UBTD2: variants seen among roughly 807,000 people sequenced by gnomAD.
UBTD2 encodes the protein ubiquitin domain containing 2.
Under a neutral mutation model 19.8 loss-of-function variants are expected in UBTD2, and 9 were observed. That is an observed-to-expected ratio of 0.46 (90% CI 0.27 to 0.79). The LOEUF is 0.79. Ranked by LOEUF, UBTD2 falls within the 30% of genes least tolerant of loss-of-function variation. The pLI, the probability that UBTD2 is intolerant of heterozygous loss-of-function variation, is 0.14. For missense variants in UBTD2, 250 were observed against 300.4 expected, an observed-to-expected ratio of 0.83 and a Z score of 1.24; for synonymous variants, 98 against 103.9, an observed-to-expected ratio of 0.94 and a Z score of 0.35.
Position 172,212,076 on chromosome 5 carries a change from C to G in UBTD2, c.459G>C (p.Gln153His), listed in dbSNP as rs1256411195. The change falls in exon 3 of 3, where the codon CAG becomes CAC. Residue 153 changes from glutamine to histidine, a missense_variant. Physicochemically the swap from Gln to His is conservative, Grantham distance 24 (BLOSUM62 0). Transcript: ENST00000393792. The part of the protein sequence containing the change: ...EPPPNSGYEC[Q>H]LRLRLSTGKD... Reference sequence around the variant, plus strand: ...TGCCTGTGGAAAGGCGCAAACGAAGCTGACATTCATATCCAGAATTGGGTG... The same window carrying G: ...TGCCTGTGGAAAGGCGCAAACGAAGGTGACATTCATATCCAGAATTGGGTG... 1.2e-6 allele frequency: 2 copies of G among 1,614,182 alleles called. No homozygotes were observed. The highest frequency in any genetic ancestry group is 1.7e-6 in the Non-Finnish European group (2 of 1,180,036).
chr5:172,218,193 A>G (rs1199056796), intron 2 of UBTD2, among the ~76,000 whole-genome samples: 1 of 152,232 alleles, frequency 6.6e-6, no homozygotes, highest in African/African-American at 2.4e-5. Flanking sequence ...TGGAAAATCC[A>G]TAATACATGG....
chr5:172,253,741 T>C (rs993997112), intron 1 of UBTD2, among the ~76,000 whole-genome samples: 2 of 151,922 alleles, frequency 1.3e-5, no homozygotes, highest in Non-Finnish European at 2.9e-5. Context: ...CACGAGCCAC[T>C]GTGCACGGCC....
At chr5:172,271,937 A>C (rs1166270321) in intron 1 of UBTD2, among the ~76,000 whole-genome samples, 2 of 152,216 alleles carry the variant, frequency 1.3e-5, no homozygotes, top group South Asian at 4.1e-4. Flanking sequence ...TCAATGAGAA[A>C]AGCCCAAGTC....
intron 2 of UBTD2, among the ~76,000 whole-genome samples, chr5:172,215,515 C>T (rs1771524403): frequency 6.6e-6 from 1 of 152,194 alleles, no homozygotes; most frequent in Non-Finnish European, 1.5e-5. Context: ...GCCCATTTCA[C>T]ACAGTTCCTG....
intron 1 of UBTD2, among the ~76,000 whole-genome samples, chr5:172,251,167 A>G (rs997674142): frequency 6.6e-5 from 10 of 151,160 alleles, no homozygotes; most frequent in Non-Finnish European, 1.3e-4. Context: ...CAAAAAAAAA[A>G]AATTGGCCGG....
intron 2 of UBTD2, among the ~76,000 whole-genome samples, chr5:172,223,074 G>A (rs1370716404): frequency 6.6e-6 from 1 of 152,162 alleles, no homozygotes; most frequent in Non-Finnish European, 1.5e-5. Context: ...AGAACCAAAT[G>A]ATGGGTTAGA....
At chr5:172,242,819 C>T (rs550494008) in intron 1 of UBTD2, among the ~76,000 whole-genome samples, 1 of 152,258 alleles carries the variant, frequency 6.6e-6, no homozygotes, top group Admixed American at 6.5e-5. Context: ...AAGGGTGATT[C>T]TTCTAAGTAT....
At position 172,211,217 on chromosome 5, in the gene UBTD2, G is replaced by C. The variant is rs1245052912; in HGVS notation, c.*613C>G. On this transcript the variant is annotated 3_prime_UTR_variant, in exon 3 of 3. Coordinates refer to ENST00000393792, the MANE Select transcript of UBTD2 (RefSeq NM_152277.3). The stretch of plus-strand genomic sequence containing the variant: ...TGTAAATAAGGAGCTCAAGATGTGG[G>C]GATGAGGAAAGCAACACTAAAGCAC... The C allele has an allele frequency of 6.6e-6, 1 of 152,118 alleles. No homozygotes were observed. The highest frequency in any genetic ancestry group is 1.5e-5 in the Non-Finnish European group (1 of 68,026). The allele number at this position is 152,118 out of a possible 1,614,324, so 9.4% of individuals were successfully genotyped here. A position where few individuals can be genotyped will look rare whatever the true frequency, so the allele number is the denominator to read the frequency against.
chr5:172,277,067 C>CAAAAAA (rs56277139), intron 1 of UBTD2, among the ~76,000 whole-genome samples: 11 of 65,096 alleles, frequency 1.7e-4, no homozygotes, highest in Non-Finnish European at 2.4e-4. Context: ...GACTCTGTCT[C>CAAAAAA]AAAAAAAAAA....
intron 1 of UBTD2, among the ~76,000 whole-genome samples, chr5:172,264,709 C>T (rs1406668248): frequency 6.6e-6 from 1 of 151,868 alleles, no homozygotes; most frequent in Non-Finnish European, 1.5e-5. Flanking sequence ...ACTCCCATTT[C>T]TACAAAAAAT....
intron 2 of UBTD2, among the ~76,000 whole-genome samples, chr5:172,216,591 C>CAAAAAAAA (rs57657254): frequency 1.1e-4 from 4 of 36,928 alleles, no homozygotes; most frequent in East Asian, 6.5e-4. Flanking sequence ...CATCTCTACC[C>CAAAAAAAA]AAAAAAAAAA....
At chr5:172,254,393 G>A (rs377239880) in intron 1 of UBTD2, 7 of 330,718 alleles carry the variant, frequency 2.1e-5, no homozygotes, top group Middle Eastern at 8.5e-4. Context: ...CACTGCGCCC[G>A]GCCTCCATGT....
intron 1 of UBTD2, among the ~76,000 whole-genome samples, chr5:172,243,485 G>A (rs750037936): frequency 2.0e-5 from 3 of 149,662 alleles, no homozygotes; most frequent in African/African-American, 4.9e-5. Context: ...GAAGATGGAC[G>A]CCCTCACCAG....
Position 172,212,084 on chromosome 5 carries a change from C to A in UBTD2, c.451G>T (p.Glu151Ter), listed in dbSNP as rs1771460318. 1 of 1,614,202 alleles carries A rather than the reference C, an allele frequency of 6.2e-7. No homozygotes were observed. Among genetic ancestry groups the A allele is most frequent in the Non-Finnish European group, 8.5e-7 (1 of 1,180,046 alleles). Residue 151 changes from glutamate to a stop codon, truncating the protein, a stop_gained, in exon 3 of 3, where the codon GAA becomes TAA. Transcript: ENST00000393792. LOFTEE classifies it high-confidence loss of function. Reference protein sequence around the residue: ...IPEPPPNSGYECQLRLRLSTG... With the variant: ...IPEPPPNSGY ...GAAAGGCGCAAACGAAGCTGACATT[C>A]ATATCCAGAATTGGGTGGTGGCTCA...
At chr5:172,269,078 T>C (rs1201127302) in intron 1 of UBTD2, among the ~76,000 whole-genome samples, 1 of 152,180 alleles carries the variant, frequency 6.6e-6, no homozygotes, top group East Asian at 1.9e-4. Flanking sequence ...CAAAGGAATA[T>C]ATATCAAAAA....
At chr5:172,237,130 T>C (rs1415003517) in intron 1 of UBTD2, among the ~76,000 whole-genome samples, 3 of 152,196 alleles carry the variant, frequency 2.0e-5, no homozygotes, top group African/African-American at 7.2e-5. Context: ...AGTCTTGCTC[T>C]GTCGCCAAGG....
intron 1 of UBTD2, among the ~76,000 whole-genome samples, chr5:172,252,807 A>C (rs1755056661): frequency 6.6e-6 from 1 of 152,230 alleles, no homozygotes; most frequent in African/African-American, 2.4e-5. Context: ...ATGGACAAGA[A>C]TCAAAAAGTA....
intron 2 of UBTD2, 95 bp from the exon 3 acceptor site, chr5:172,212,322 G>C (rs1285214399): frequency 5.9e-6 from 8 of 1,346,996 alleles, no homozygotes; most frequent in Non-Finnish European, 8.0e-6. Context: ...TTGCTAGCAT[G>C]GCACTGTAGA....
In UBTD2 at chr5:172,227,544, AT is replaced by A. The variant is rs1164528145; in HGVS notation, c.307+6577del. On this transcript the variant is annotated intron_variant, in intron 2 of 2. Coordinates refer to ENST00000393792, the MANE Select transcript of UBTD2 (RefSeq NM_152277.3). Reference sequence around the variant, plus strand: ...ACTTATCAACTTTGTTAAATGACAAATTTTTTTTTTTTGTATTTTTATTAAA... The same window carrying A: ...ACTTATCAACTTTGTTAAATGACAAATTTTTTTTTTTGTATTTTTATTAAA... Among the ~76,000 whole-genome samples, 328 of 146,234 alleles carry A rather than the reference AT, an allele frequency of 2.2e-3. 1 individual carries two copies. The highest frequency in any genetic ancestry group is 4.6e-3 in the African/African-American group (184 of 40,160).
Sources: allele counts gnomAD v4.1 joint callset (sites outside exome capture counted in the v4.1 genomes callset), GRCh38; gene constraint gnomAD v4.1.1; transcripts MANE v1.5; gene names NCBI Gene and HGNC (gene_info 2026-07-23, HGNC 2026-07-21).